The following WWC1 variants were observed in gnomAD, a reference collection of about 807,000 sequenced individuals.
WWC1 encodes the protein protein KIBRA.
A neutral mutation model predicts 138.4 loss-of-function variants in WWC1; 55 were observed. That is an observed-to-expected ratio of 0.40 (90% CI 0.32 to 0.50). The LOEUF is 0.50. Ranked by LOEUF, WWC1 falls within the 20% of genes least tolerant of loss-of-function variation. The probability of loss-of-function intolerance (pLI) is 0.72; values close to 1 mark genes in which losing one functional copy is unlikely to be tolerated. For missense variants in WWC1, 1,226 were observed against 1,420.4 expected (o/e 0.86, Z 2.20); for synonymous variants, 524 against 564.9 (o/e 0.93, Z 1.03).
intron 1 of WWC1, among the ~76,000 whole-genome samples, chr5:168,313,635 C>T (rs1444280177): frequency 1.3e-5 from 2 of 151,104 alleles, no homozygotes; most frequent in African/African-American, 4.9e-5. Flanking sequence ...CACCCCAGAT[C>T]CCCTGAATCA....
intron 1 of WWC1, among the ~76,000 whole-genome samples, chr5:168,326,017 C>G (rs1772500380): frequency 6.6e-6 from 1 of 151,970 alleles, no homozygotes; most frequent in African/African-American, 2.4e-5. Flanking sequence ...AATCATATTC[C>G]CTTGTATGTT....
At chr5:168,418,015 G>A (rs997127422) in intron 9 of WWC1, among the ~76,000 whole-genome samples, 1 of 152,168 alleles carries the variant, frequency 6.6e-6, no homozygotes, top group African/African-American at 2.4e-5. Context: ...TGTTTCTCAT[G>A]TGTGTGTATC....
At chr5:168,367,700 A>G in intron 1 of WWC1, among the ~76,000 whole-genome samples, 1 of 152,284 alleles carries the variant, frequency 6.6e-6, no homozygotes, top group South Asian at 2.1e-4. Context: ...GGTGTTTACT[A>G]ACTGTGTGAT....
At chr5:168,414,244 A>G in intron 8 of WWC1, 104 bp from the exon 9 acceptor site, 1 of 1,472,814 alleles carries the variant, frequency 6.8e-7, no homozygotes, top group Non-Finnish European at 9.1e-7. Flanking sequence ...AAAGGAAGAC[A>G]GTAACTGTCA....
chr5:168,351,534 A>G (rs1177691981), intron 1 of WWC1, among the ~76,000 whole-genome samples: 1 of 152,204 alleles, frequency 6.6e-6, no homozygotes, highest in African/African-American at 2.4e-5. Flanking sequence ...TGAAAGTGCC[A>G]TGAGTTAGGA....
chr5:168,449,570 CTTTTTTTTTTT>C (rs10636051), intron 17 of WWC1, among the ~76,000 whole-genome samples: 1 of 90,736 alleles, frequency 1.1e-5, no homozygotes, highest in African/African-American at 4.5e-5. Flanking sequence ...TTTAACAGCT[CTTTTTTTTTTT>C]TTTTTTTTTT....
intron 1 of WWC1, among the ~76,000 whole-genome samples, chr5:168,336,571 CAAAAA>C (rs57339649): frequency 5.2e-5 from 3 of 58,018 alleles, no homozygotes; most frequent in African/African-American, 1.6e-4. Flanking sequence ...GACTCTGTCT[CAAAAA>C]AAAAAAAAAA....
intron 1 of WWC1, among the ~76,000 whole-genome samples, chr5:168,336,592 A>C (rs1233418488): frequency 1.3e-5 from 2 of 151,278 alleles, no homozygotes; most frequent in Non-Finnish European, 2.9e-5. Context: ...AAAAAAAAAA[A>C]AAACAATACC....
Position 168,423,632 on chromosome 5 carries a change from T to C in WWC1, c.1374T>C (p.Thr458=), listed in dbSNP as rs1561744541. 6.2e-7 allele frequency: 1 copy of C among 1,614,130 alleles called. No individual in the cohort carries two copies. The highest frequency in any genetic ancestry group is 8.5e-7 in the Non-Finnish European group (1 of 1,180,026). Residue 458 remains threonine, a synonymous_variant, in exon 11 of 23, where the codon ACT becomes ACC. Transcript: ENST00000265293. The part of the protein sequence containing the change: ...SLVASSLDSS[T]SASFTDLYYD... ...TTGCATCCAGCCTGGACTCCTCCAC[T>C]TCAGCCAGCTTCACTGACCTCTACT...
intron 9 of WWC1, among the ~76,000 whole-genome samples, chr5:168,418,017 G>A (rs1341140819): frequency 6.6e-6 from 1 of 152,148 alleles, no homozygotes; most frequent in Non-Finnish European, 1.5e-5. Flanking sequence ...TTTCTCATGT[G>A]TGTGTATCTT....
Position 168,440,666 on chromosome 5 carries a change from C to T in WWC1, c.2281-1016C>T, listed in dbSNP as rs139042361. Among the ~76,000 whole-genome samples, 352 of 152,212 alleles carry T rather than the reference C, an allele frequency of 2.3e-3. 3 individuals carry two copies. The highest frequency in any genetic ancestry group is 7.9e-3 in the African/African-American group (327 of 41,542). On this transcript the variant is annotated intron_variant, in intron 15 of 22. Coordinates refer to ENST00000265293, the MANE Select transcript of WWC1 (RefSeq NM_015238.3). Reference sequence around the variant, plus strand: ...CCGAGTAGCTGGGATTACAGGCATACGCCACCACGCTCGGCTAATTTTGTA... The same window carrying T: ...CCGAGTAGCTGGGATTACAGGCATATGCCACCACGCTCGGCTAATTTTGTA...
Position 168,423,746 on chromosome 5 carries a change from C to T in WWC1, c.1488C>T (p.Gly496=). 6.2e-7 allele frequency: 1 copy of T among 1,613,924 alleles called. No individual in the cohort carries two copies. The change falls in exon 11 of 23, where the codon GGC becomes GGT. Residue 496 remains glycine (G), a synonymous_variant. Coordinates refer to ENST00000265293, the MANE Select transcript of WWC1 (RefSeq NM_015238.3). The part of the protein sequence containing the change: ...LEGATGFRPS[G]CITTIHEDEV... ...GGGCCACCGGCTTCCGGCCCTCAGG[C>T]TGCATCACCACCATCCACGAGGATG... is the stretch of plus-strand genomic sequence containing the variant.
chr5:168,432,204 C>T (rs1306428353), intron 15 of WWC1, among the ~76,000 whole-genome samples: 2 of 152,166 alleles, frequency 1.3e-5, no homozygotes, highest in African/African-American at 4.8e-5. Context: ...AATGATAATG[C>T]CTCCATCATG....
At chr5:168,352,201 C>G (rs1322500455) in intron 1 of WWC1, among the ~76,000 whole-genome samples, 1 of 152,192 alleles carries the variant, frequency 6.6e-6, no homozygotes, top group African/African-American at 2.4e-5. Flanking sequence ...CTCAAGCTTT[C>G]TGAGCCTTAG....
intron 3 of WWC1, among the ~76,000 whole-genome samples, chr5:168,392,840 CAG>C (rs551152469): frequency 1.1e-3 from 162 of 152,140 alleles, no homozygotes; most frequent in Non-Finnish European, 1.9e-3. Context: ...AAGCCTCTAA[CAG>C]AGAAAATAGA....
chr5:168,405,047 A>G (rs1454631789), intron 5 of WWC1, among the ~76,000 whole-genome samples: 1 of 152,046 alleles, frequency 6.6e-6, no homozygotes. Flanking sequence ...ATTCCATTTG[A>G]TGTTCTTGAC....
intron 1 of WWC1, among the ~76,000 whole-genome samples, chr5:168,344,416 C>T (rs1286299390): frequency 6.6e-6 from 1 of 152,354 alleles, no homozygotes; most frequent in East Asian, 1.9e-4. Context: ...CTTTACATTT[C>T]AGGCTCGGTT....
chr5:168,302,816 T>G lies in WWC1; in HGVS notation c.119+10545T>G, dbSNP rs530608466. Among the ~76,000 whole-genome samples the G allele has an allele frequency of 1.1e-3, 172 of 152,338 alleles. 2 individuals carry two copies. The highest frequency in any genetic ancestry group is 4.0e-3 in the African/African-American group (168 of 41,578). The stretch of plus-strand genomic sequence containing the variant: ...TACCTGTAATATGCCAGGCATTGTT[T>G]TGGCACTGGGGGTTCAGCAGGGATT... On this transcript the variant is annotated intron_variant, in intron 1 of 22. Transcript: ENST00000265293.
In WWC1 at chr5:168,429,301, C is replaced by T. The variant is rs539919792; in HGVS notation, c.2000+514C>T. 2.0e-3 allele frequency among the ~76,000 whole-genome samples: 288 copies of T among 147,004 alleles called. 1 individual carries two copies. The Middle Eastern group carries it at 0.029, about 15-fold the overall frequency. On this transcript the variant is annotated intron_variant, in intron 13 of 22. Coordinates refer to ENST00000265293, the MANE Select transcript of WWC1 (RefSeq NM_015238.3). ...TTGAGACAGGGTCTCACCTGTCACC[C>T]AGGCTGGAGTGCAGTGGTGTGATCT...
Sources: allele counts gnomAD v4.1 joint callset (sites outside exome capture counted in the v4.1 genomes callset), GRCh38; gene constraint gnomAD v4.1.1; transcripts MANE v1.5; gene names NCBI Gene and HGNC (gene_info 2026-07-23, HGNC 2026-07-21).